AGFG2: variants seen among roughly 807,000 people sequenced by gnomAD.
AGFG2 encodes ArfGAP with FG repeats 2.
In AGFG2, 31 loss-of-function variants were observed where a neutral mutation model predicts 48.0. The ratio of observed to expected loss-of-function variants is 0.65; its 90% CI spans 0.49 to 0.87. The LOEUF (loss-of-function observed/expected upper bound fraction) is 0.87. AGFG2 is among the 40% of genes least tolerant of loss of function. The probability of loss-of-function intolerance (pLI) is 0.00; values close to 1 mark genes in which losing one functional copy is unlikely to be tolerated. For missense variants in AGFG2, 599 were observed against 632.6 expected (o/e 0.95, Z 0.57); for synonymous variants, 229 against 260.8 (o/e 0.88, Z 1.18).
At chr7:100,555,525 G>A (rs1800741120) in intron 5 of AGFG2, 85 bp from the exon 6 acceptor site, 8 of 1,471,772 alleles carry the variant, frequency 5.4e-6, no homozygotes, top group East Asian at 2.4e-5. Context: ...TGCCCACCTC[G>A]GCCTCCCAAA....
Position 100,566,865 on chromosome 7 carries a change from A to C in AGFG2, c.*1874A>C, listed in dbSNP as rs749313845. The C allele has an allele frequency of 4.6e-5, 7 of 152,004 alleles. No individual in the cohort carries two copies. The highest frequency in any genetic ancestry group is 7.3e-5 in the Non-Finnish European group (5 of 68,030). 9.4% of individuals were successfully genotyped at this position (152,004 alleles called of 1,614,324 possible). On this transcript the variant is annotated 3_prime_UTR_variant, in exon 12 of 12. Transcript: ENST00000300176. ...CTTACCAGTTCTTTCCTTTCTGCTTAGAGCCGGAGGGAGGGAAGCTGGAAT... is the reference window on the plus strand; with the variant it reads ...CTTACCAGTTCTTTCCTTTCTGCTTCGAGCCGGAGGGAGGGAAGCTGGAAT...
intron 1 of AGFG2, among the ~76,000 whole-genome samples, chr7:100,543,648 C>T (rs1800463576): frequency 6.6e-6 from 1 of 152,190 alleles, no homozygotes; most frequent in South Asian, 2.1e-4. Flanking sequence ...GAAAAACACA[C>T]ATTTTAATAT....
intron 1 of AGFG2, among the ~76,000 whole-genome samples, chr7:100,545,137 A>G (rs1394975483): frequency 6.6e-6 from 1 of 152,176 alleles, no homozygotes; most frequent in African/African-American, 2.4e-5. Context: ...TATGAATCTG[A>G]ACACAATTGT....
At chr7:100,541,545 G>C (rs1302122276) in intron 1 of AGFG2, among the ~76,000 whole-genome samples, 3 of 152,066 alleles carry the variant, frequency 2.0e-5, no homozygotes, top group Non-Finnish European at 4.4e-5. Context: ...CAGATCACTT[G>C]AGGTCAGGAG....
Position 100,553,442 on chromosome 7 carries a change from G to C in AGFG2, c.527G>C (p.Arg176Pro). The change falls in exon 4 of 12, where the codon CGG (arginine) becomes CCG (proline). Residue 176 changes from arginine to proline, a missense_variant. Arg to Pro is a moderately radical substitution (Grantham distance 103). Transcript: ENST00000300176. Reference protein sequence around the residue: ...QGSIPEGKPLRTLLGDPAPSL... With the variant: ...QGSIPEGKPLPTLLGDPAPSL... Reference sequence around the variant, plus strand: ...TCCATCCCAGAAGGGAAGCCCCTTCGGACACTTCTGGGTGATCCTGCACCG... The same window carrying C: ...TCCATCCCAGAAGGGAAGCCCCTTCCGACACTTCTGGGTGATCCTGCACCG... 1 of 1,614,090 alleles carries C rather than the reference G, an allele frequency of 6.2e-7. No individual in the cohort carries two copies. Among genetic ancestry groups the C allele is most frequent in the African/African-American group, 1.3e-5 (1 of 75,042 alleles).
chr7:100,540,007 G>C (rs1800392407), intron 1 of AGFG2, among the ~76,000 whole-genome samples: 1 of 152,018 alleles, frequency 6.6e-6, no homozygotes, highest in Non-Finnish European at 1.5e-5. Context: ...GGGAAAGCCG[G>C]CCTGGAGATG....
Position 100,562,240 on chromosome 7 carries a change from A to G in AGFG2, c.878-19A>G. On this transcript the variant is annotated intron_variant, in intron 6 of 11. Transcript: ENST00000300176. This position sits in a 1 kb window ranked among gnomAD's most constrained non-coding sequence, Gnocchi z 5.4. ...GTCTTACCTCAGCTCTCCCTGTTGT[A>G]TTTTCCACAACTGCCCAGGGAGCAG... is the stretch of plus-strand genomic sequence containing the variant. The G allele has an allele frequency of 6.2e-7, 1 of 1,610,660 alleles. No homozygotes were observed. Among genetic ancestry groups the G allele is most frequent in the African/African-American group, 1.3e-5 (1 of 74,620 alleles).
chr7:100,550,621 T>G, intron 3 of AGFG2, 110 bp downstream of exon 3: 1 of 738,284 alleles, frequency 1.4e-6, no homozygotes, highest in African/African-American at 1.8e-5. Context: ...TAGACTTGGG[T>G]CGATTCTGTT....
At chr7:100,546,348 A>G (rs1800510996) in intron 1 of AGFG2, among the ~76,000 whole-genome samples, 1 of 152,168 alleles carries the variant, frequency 6.6e-6, no homozygotes, top group Non-Finnish European at 1.5e-5. Flanking sequence ...GGAAATGTCA[A>G]TGACCTTTTT....
At chr7:100,558,346 A>T (rs1453554583) in intron 6 of AGFG2, among the ~76,000 whole-genome samples, 1 of 152,156 alleles carries the variant, frequency 6.6e-6, no homozygotes, top group Non-Finnish European at 1.5e-5. Context: ...TGTGGGGGAA[A>T]ATGACCTTCT....
At chr7:100,545,753 G>A (rs1435300315) in intron 1 of AGFG2, among the ~76,000 whole-genome samples, 1 of 152,176 alleles carries the variant, frequency 6.6e-6, no homozygotes, top group Non-Finnish European at 1.5e-5. Context: ...TTTAATTCCA[G>A]GCCAGTGACT....
At chr7:100,555,263 G>GTTTTTTTTT (rs1166680394) in intron 5 of AGFG2, among the ~76,000 whole-genome samples, 3 of 75,176 alleles carry the variant, frequency 4.0e-5, no homozygotes, top group African/African-American at 1.2e-4. Flanking sequence ...TGTGTGTGTG[G>GTTTTTTTTT]TTTTTTTTTT....
intron 6 of AGFG2, among the ~76,000 whole-genome samples, chr7:100,561,399 T>C (rs780086648): frequency 6.6e-6 from 1 of 152,174 alleles, no homozygotes; most frequent in Non-Finnish European, 1.5e-5. Context: ...AGTATTGGGA[T>C]TACAGGCATG....
intron 1 of AGFG2, among the ~76,000 whole-genome samples, chr7:100,547,549 A>G (rs1434157495): frequency 6.6e-6 from 1 of 152,130 alleles, no homozygotes; most frequent in Non-Finnish European, 1.5e-5. Flanking sequence ...CCAGAATAAT[A>G]CTTAAGGTGC....
intron 5 of AGFG2, among the ~76,000 whole-genome samples, chr7:100,555,221 A>G (rs1049396188): frequency 6.9e-6 from 1 of 144,908 alleles, no homozygotes; most frequent in African/African-American, 2.6e-5. Flanking sequence ...TTACATGGAT[A>G]GGCATATACA....
Position 100,563,960 on chromosome 7 carries a change from A to G in AGFG2, c.1298A>G (p.Asn433Ser), listed in dbSNP as rs755157771. The G allele has an allele frequency of 1.7e-5, 27 of 1,606,944 alleles. No homozygotes were observed. Among genetic ancestry groups the G allele is most frequent in the Non-Finnish European group, 2.3e-5 (27 of 1,179,968 alleles). The stretch of plus-strand genomic sequence containing the variant: ...CAGACCCCGCTTGTTCAGCAGCAGA[A>G]TGGTAAGAGCTGTAGATGGACAAAC... ...PPQTPLVQQQ[N>S]GSSFGDLGSA... Residue 433 changes from asparagine to serine, a missense_variant and splice_region_variant, in exon 10 of 12, where the codon AAT becomes AGT. Coordinates refer to ENST00000300176, the MANE Select transcript of AGFG2 (RefSeq NM_006076.5).
intron 2 of AGFG2, among the ~76,000 whole-genome samples, chr7:100,549,326 C>A (rs949778296): frequency 6.6e-6 from 1 of 152,148 alleles, no homozygotes; most frequent in Non-Finnish European, 1.5e-5. Context: ...AAACCCCTTC[C>A]CTAGCTAAAT....
Position 100,555,748 on chromosome 7 carries a change from C to T in AGFG2, c.877+13C>T. The T allele has an allele frequency of 6.2e-7, 1 of 1,613,022 alleles. No individual in the cohort carries two copies. On this transcript the variant is annotated intron_variant, in intron 6 of 11. Coordinates refer to ENST00000300176, the MANE Select transcript of AGFG2 (RefSeq NM_006076.5). Reference sequence around the variant, plus strand: ...CCAACTCCTGCAGGTAAACTCTGCCCCACTGGCTTCCTTTCTCTTCCAACC... The same window carrying T: ...CCAACTCCTGCAGGTAAACTCTGCCTCACTGGCTTCCTTTCTCTTCCAACC...
intron 6 of AGFG2, among the ~76,000 whole-genome samples, chr7:100,561,148 C>T (rs1291039058): frequency 1.3e-4 from 17 of 133,128 alleles, no homozygotes; most frequent in South Asian, 7.1e-4. Context: ...TTTTTTGAGA[C>T]GGAGTTTCGC....
Sources: allele counts gnomAD v4.1 joint callset (sites outside exome capture counted in the v4.1 genomes callset), GRCh38; gene constraint gnomAD v4.1.1; non-coding constraint Gnocchi (gnomAD v3.1); transcripts MANE v1.5; gene names NCBI Gene and HGNC (gene_info 2026-07-23, HGNC 2026-07-21).